The following SOCS2 variants were observed in gnomAD, a reference collection of about 807,000 sequenced individuals.
The protein encoded by SOCS2 is suppressor of cytokine signaling 2.
A neutral mutation model predicts 18.6 loss-of-function variants in SOCS2; 10 were observed. The observed-to-expected ratio is 0.54, with a 90% CI of 0.33 to 0.91. The LOEUF is 0.91. Among genes scored for constraint, SOCS2 ranks in the 40% least tolerant of loss-of-function variants. The pLI, the probability that SOCS2 is intolerant of heterozygous loss-of-function variation, is 0.02. For synonymous variants in SOCS2, 104 were observed against 104.0 expected (o/e 1.00, Z 0.00); for missense variants, 231 against 247.2 (o/e 0.93, Z 0.44).
chr12:93,624,853 TAA>T, the SOCS2 span, among the ~76,000 whole-genome samples: 6 of 152,204 alleles, frequency 3.9e-5, no homozygotes, highest in Non-Finnish European at 7.3e-5. Flanking sequence ...GATAGAACCC[TAA>T]AACAAGACCT....
At chr12:93,608,818 C>T in the SOCS2 span, among the ~76,000 whole-genome samples, 1 of 152,138 alleles carries the variant, frequency 6.6e-6, no homozygotes, top group East Asian at 1.9e-4. Flanking sequence ...ATGGAACCAC[C>T]ACAGGCTCTG....
the SOCS2 span, among the ~76,000 whole-genome samples, chr12:93,619,168 T>C: frequency 1.6e-4 from 25 of 152,140 alleles, no homozygotes; most frequent in African/African-American, 5.6e-4. Context: ...GCGGAGGCTA[T>C]GGGAGAGGAG....
chr12:93,596,884 C>T, the SOCS2 span, among the ~76,000 whole-genome samples: 1 of 152,158 alleles, frequency 6.6e-6, no homozygotes, highest in African/African-American at 2.4e-5. Flanking sequence ...TGCCCTGCAC[C>T]CTCCACCACC....
intron 1 of SOCS2, 122 bp downstream of exon 1, chr12:93,573,158 G>T (rs1254581787): frequency 7.7e-7 from 1 of 1,296,748 alleles, no homozygotes; most frequent in Non-Finnish European, 1.1e-6. Context: ...GCTTCCAAGG[G>T]ACCGCGGAGA....
the SOCS2 span, among the ~76,000 whole-genome samples, chr12:93,606,028 G>A: frequency 6.6e-6 from 1 of 152,222 alleles, no homozygotes; most frequent in Non-Finnish European, 1.5e-5. Context: ...TGACTGATAT[G>A]ATGGTTCCAC....
the SOCS2 span, among the ~76,000 whole-genome samples, chr12:93,614,429 C>T: frequency 0.012 from 477 of 41,450 alleles, 9 homozygotes; most frequent in African/African-American, 0.048. Context: ...TCCTTTCTTT[C>T]CCTTCCTTCC....
At chr12:93,614,635 T>TTTATTTCTTTC in the SOCS2 span, among the ~76,000 whole-genome samples, 5 of 111,590 alleles carry the variant, frequency 4.5e-5, no homozygotes, top group African/African-American at 2.0e-4. Flanking sequence ...TTCTTTCTTT[T>TTTATTTCTTTC]GATGGAGTCT....
At chr12:93,570,956 CT>C (rs1002071164), upstream of SOCS2, 22 of 153,608 alleles carry the variant, frequency 1.4e-4, no homozygotes, top group African/African-American at 5.3e-4. Flanking sequence ...GAGCGGAGCG[CT>C]GACTGGGGAG....
At chr12:93,586,134 TAA>T (rs983463507), downstream of SOCS2, among the ~76,000 whole-genome samples, 4 of 152,298 alleles carry the variant, frequency 2.6e-5, no homozygotes, top group Admixed American at 2.0e-4. Flanking sequence ...CTGACCATAT[TAA>T]AGAGTTAGGG....
the SOCS2 span, among the ~76,000 whole-genome samples, chr12:93,602,788 T>G: frequency 1.6e-4 from 24 of 152,264 alleles, no homozygotes; most frequent in African/African-American, 5.5e-4. Flanking sequence ...CTGCATTCTG[T>G]AATCCACTAA....
the SOCS2 span, among the ~76,000 whole-genome samples, chr12:93,620,664 TCA>T: frequency 6.6e-6 from 1 of 152,132 alleles, no homozygotes; most frequent in East Asian, 1.9e-4. Flanking sequence ...TCCACCCGCC[TCA>T]GTCTCCCAAA....
chr12:93,617,182 G>A, the SOCS2 span, among the ~76,000 whole-genome samples: 1 of 152,212 alleles, frequency 6.6e-6, no homozygotes, highest in Non-Finnish European at 1.5e-5. Flanking sequence ...ATTACCAGGT[G>A]CAATAAGCAG....
chr12:93,592,569 A>C, the SOCS2 span, among the ~76,000 whole-genome samples: 1 of 152,214 alleles, frequency 6.6e-6, no homozygotes, highest in Non-Finnish European at 1.5e-5. Flanking sequence ...ATTTACTTTC[A>C]AATCACATTC....
At chr12:93,581,548 G>C (rs921922876), downstream of SOCS2, among the ~76,000 whole-genome samples, 1 of 151,880 alleles carries the variant, frequency 6.6e-6, no homozygotes, top group African/African-American at 2.4e-5. Flanking sequence ...CAATTTCTTA[G>C]TAGGAAGGTG....
At chr12:93,600,417 G>A in the SOCS2 span, among the ~76,000 whole-genome samples, 2 of 151,896 alleles carry the variant, frequency 1.3e-5, no homozygotes, top group Non-Finnish European at 2.9e-5. Context: ...CTAGTGTGGT[G>A]AGTGGTTTTT....
Position 93,575,104 on chromosome 12 carries a change from T to TAC in SOCS2, c.523_524dup (p.Gly176ProfsTer13). ...TCTGTAGGCTCACCATTAACAAATGTACCGGTGCCATCTGGGGACTGCCTT... is the reference window on the plus strand; with the variant it reads ...TCTGTAGGCTCACCATTAACAAATGTACACCGGTGCCATCTGGGGACTGCCTT... On this transcript the variant is annotated frameshift_variant, in exon 2 of 2. Transcript: ENST00000551556. LOFTEE classifies it high-confidence loss of function. 6.2e-7 allele frequency: 1 copy of TAC among 1,609,576 alleles called. No individual in the cohort carries two copies. Among genetic ancestry groups the TAC allele is most frequent in the Non-Finnish European group, 8.5e-7 (1 of 1,178,726 alleles).
chr12:93,614,477 TCC>T, the SOCS2 span, among the ~76,000 whole-genome samples: 1 of 71,762 alleles, frequency 1.4e-5, no homozygotes, highest in African/African-American at 9.0e-5. Flanking sequence ...CTTCCTTCCT[TCC>T]TTTCCTTCCT....
At chr12:93,571,240 A>T (rs1054953727), upstream of SOCS2, 2 of 152,206 alleles carry the variant, frequency 1.3e-5, no homozygotes, top group African/African-American at 4.8e-5. Context: ...GGGAAGCCCG[A>T]AGGCTCCGCC....
the SOCS2 span, among the ~76,000 whole-genome samples, chr12:93,611,470 C>T: frequency 6.6e-6 from 1 of 152,260 alleles, no homozygotes; most frequent in East Asian, 1.9e-4. Context: ...CTCCTGACCT[C>T]AAGTGATCCG....
Sources: allele counts gnomAD v4.1 joint callset (sites outside exome capture counted in the v4.1 genomes callset), GRCh38; gene constraint gnomAD v4.1.1; transcripts MANE v1.5; gene names NCBI Gene and HGNC (gene_info 2026-07-23, HGNC 2026-07-21).